Variants in DGKI observed in about 807,000 individuals in gnomAD.
DGKI encodes DAG kinase iota.
DGKI carries 55 observed loss-of-function variants against 147.5 expected under a neutral mutation model. The observed-to-expected ratio is 0.37, with a 90% confidence interval of 0.30 to 0.47. DGKI has a LOEUF of 0.47. Among genes scored for constraint, DGKI ranks in the 20% least tolerant of loss-of-function variants. The pLI, the probability that DGKI is intolerant of heterozygous loss-of-function variation, is 1.00. For synonymous variants in DGKI, 469 were observed against 477.1 expected (o/e 0.98, Z 0.22); for missense variants, 1,007 against 1,323.8 (o/e 0.76, Z 3.71).
chr7:137,450,569 A>C (rs1376292519), intron 27 of DGKI, among the ~76,000 whole-genome samples: 1 of 151,944 alleles, frequency 6.6e-6, no homozygotes, highest in Non-Finnish European at 1.5e-5. Flanking sequence ...AAAAAATACA[A>C]AAATTAGCCA....
chr7:137,391,183 T>C lies in DGKI; in HGVS notation c.*37A>G, dbSNP rs1446153502. The C allele has an allele frequency of 6.7e-7, 1 of 1,500,526 alleles. No individual in the cohort carries two copies. Among genetic ancestry groups the C allele is most frequent in the South Asian group, 1.1e-5 (1 of 88,726 alleles). 93.0% of individuals were successfully genotyped at this position (1,500,526 alleles called of 1,614,324 possible). ...CCAATTGCAGGGAGGGCAGATGTGA[T>C]ACGCTTGCTCATGTCCTCTTTGCCC... is the stretch of plus-strand genomic sequence containing the variant. On this transcript the variant is annotated 3_prime_UTR_variant, in exon 33 of 33. Transcript: ENST00000614521.
At chr7:137,407,761 G>T (rs1435725707) in intron 30 of DGKI, 114 bp downstream of exon 30, 15 of 1,384,352 alleles carry the variant, frequency 1.1e-5, no homozygotes, top group Non-Finnish European at 1.4e-5. Flanking sequence ...CTAAAAGTTC[G>T]AGAGTATTTC....
At chr7:137,462,710 C>A (rs1814494406) in intron 27 of DGKI, among the ~76,000 whole-genome samples, 1 of 152,138 alleles carries the variant, frequency 6.6e-6, no homozygotes, top group Non-Finnish European at 1.5e-5. Context: ...ATTAAGACCC[C>A]AGGTAAACTG....
chr7:137,545,707 A>G (rs1313054312), intron 20 of DGKI, among the ~76,000 whole-genome samples: 3 of 152,242 alleles, frequency 2.0e-5, no homozygotes, highest in Non-Finnish European at 4.4e-5. Context: ...GTTAACTTAG[A>G]GGATGGAAGC....
At chr7:137,566,800 C>A (rs531061763) in intron 19 of DGKI, among the ~76,000 whole-genome samples, 2 of 152,230 alleles carry the variant, frequency 1.3e-5, no homozygotes, top group Non-Finnish European at 2.9e-5. Flanking sequence ...GAACTCTAAA[C>A]ATATATTTTA....
At chr7:137,582,203 C>T (rs1377841895) in intron 14 of DGKI, among the ~76,000 whole-genome samples, 1 of 152,014 alleles carries the variant, frequency 6.6e-6, no homozygotes, top group Non-Finnish European at 1.5e-5. Context: ...TTTATAGATG[C>T]TGTAATAATA....
At chr7:137,567,389 T>C (rs1818626142) in intron 19 of DGKI, among the ~76,000 whole-genome samples, 1 of 152,190 alleles carries the variant, frequency 6.6e-6, no homozygotes, top group South Asian at 2.1e-4. Flanking sequence ...ACATTATATA[T>C]TCTTTTTTAG....
intron 31 of DGKI, 91 bp from the exon 32 acceptor site, chr7:137,395,788 C>T (rs1317407581): frequency 1.7e-6 from 2 of 1,159,712 alleles, no homozygotes; most frequent in Non-Finnish European, 2.5e-6. Context: ...TGCTCCTCAG[C>T]CTCCTTCCCT....
chr7:137,722,778 T>C (rs1794606133), intron 1 of DGKI: 7 of 1,400,992 alleles, frequency 5.0e-6, no homozygotes, highest in Non-Finnish European at 7.1e-6. Flanking sequence ...TCAAAGCTAT[T>C]CCTCAGCTCC....
chr7:137,554,802 T>A (rs540021691), intron 19 of DGKI, among the ~76,000 whole-genome samples: 1 of 151,672 alleles, frequency 6.6e-6, no homozygotes, highest in South Asian at 2.1e-4. Flanking sequence ...AAAAAATCTG[T>A]GACATGGAGA....
chr7:137,487,472 C>T (rs1000920872), intron 22 of DGKI, 138 bp downstream of exon 22: 59 of 760,196 alleles, frequency 7.8e-5, no homozygotes, highest in Non-Finnish European at 1.2e-4. Context: ...TGACATACAG[C>T]GTATGCTTGA....
chr7:137,469,002 G>A (rs1470027572), intron 24 of DGKI, among the ~76,000 whole-genome samples: 1 of 152,116 alleles, frequency 6.6e-6, no homozygotes, highest in African/African-American at 2.4e-5. Context: ...CTAGGAGAGA[G>A]ATACTTGAGA....
chr7:137,768,826 G>A (rs752338739), intron 1 of DGKI, among the ~76,000 whole-genome samples: 4 of 152,088 alleles, frequency 2.6e-5, no homozygotes, highest in Admixed American at 6.5e-5. Flanking sequence ...ATTGTGTTCC[G>A]GAGTCTTCTG....
chr7:137,567,200 G>T (rs1818615739), intron 19 of DGKI, among the ~76,000 whole-genome samples: 1 of 150,314 alleles, frequency 6.7e-6, no homozygotes, highest in Non-Finnish European at 1.5e-5. Flanking sequence ...GGAGGCAGAG[G>T]TTACAGTGAG....
At chr7:137,628,227 A>G (rs753558752) in intron 6 of DGKI, among the ~76,000 whole-genome samples, 3 of 152,204 alleles carry the variant, frequency 2.0e-5, no homozygotes, top group African/African-American at 7.2e-5. Context: ...ACACTGTGGT[A>G]CTAACAGCCA....
At position 137,588,475 on chromosome 7, in the gene DGKI, C is replaced by CTTTT. The variant is rs71533759; in HGVS notation, c.1312-1269_1312-1266dup. On this transcript the variant is annotated intron_variant, in intron 12 of 32. Transcript: ENST00000614521. ...TAACACAAAGATGGACATACCGATG[C>CTTTT]TTTTTTTTTTTTTTTTTTTGAGATG... Among the ~76,000 whole-genome samples the CTTTT allele has an allele frequency of 3.2e-4, 37 of 116,714 alleles. 1 individual carries two copies. The highest frequency in any genetic ancestry group is 1.2e-3 in the African/African-American group (33 of 27,446). 76.6% of individuals were successfully genotyped at this position (116,714 alleles called of 152,430 possible).
At chr7:137,785,496 A>G (rs1413263205) in intron 1 of DGKI, among the ~76,000 whole-genome samples, 1 of 151,998 alleles carries the variant, frequency 6.6e-6, no homozygotes, top group Non-Finnish European at 1.5e-5. Context: ...TTGCCAACAA[A>G]AAAAAAAGTC....
chr7:137,664,377 C>CA (rs1190186766), intron 3 of DGKI, among the ~76,000 whole-genome samples: 2,753 of 55,498 alleles, frequency 0.05, 81 homozygotes, highest in African/African-American at 0.057. Flanking sequence ...GACTCCATCT[C>CA]AAAAAAAAAA....
At chr7:137,401,238 AAAAT>A (rs1206100139) in intron 30 of DGKI, among the ~76,000 whole-genome samples, 1 of 152,126 alleles carries the variant, frequency 6.6e-6, no homozygotes, top group Non-Finnish European at 1.5e-5. Flanking sequence ...AAGAGAGAAA[AAAAT>A]AAAGACTAGT....
Sources: gnomAD v4.1 joint callset for allele counts (sites outside exome capture counted in the v4.1 genomes callset) on GRCh38, gnomAD v4.1.1 for gene constraint, MANE v1.5 for transcripts, NCBI Gene and HGNC (gene_info 2026-07-23, HGNC 2026-07-21) for gene names.